SYNE1: variants seen among roughly 807,000 people sequenced by gnomAD.
The protein encoded by SYNE1 is spectrin repeat containing nuclear envelope protein 1, also known as nesprin-1.
A neutral mutation model predicts 1,111.0 loss-of-function variants in SYNE1; 616 were observed. That is an observed-to-expected ratio of 0.55 (90% CI 0.52 to 0.59). The LOEUF is 0.59. SYNE1 is among the 20% of genes least tolerant of loss of function. The pLI, the probability that SYNE1 is intolerant of heterozygous loss-of-function variation, is 0.00. For synonymous variants in SYNE1, 3,855 were observed against 3,825.8 expected, an observed-to-expected ratio of 1.01 and a Z score of -0.28; for missense variants, 10,006 against 10,417.0, an observed-to-expected ratio of 0.96 and a Z score of 1.72.
chr6:152,633,251 T>C (rs903318805), intron 2 of SYNE1, among the ~76,000 whole-genome samples: 6 of 152,190 alleles, frequency 3.9e-5, no homozygotes, highest in Non-Finnish European at 8.8e-5. Flanking sequence ...CAATAAATAG[T>C]CCCTGCACCA....
In SYNE1 at chr6:152,326,536, A is replaced by T. The variant is rs772978925; in HGVS notation, c.15053T>A (p.Leu5018Gln). ...WLEDAQELLQ[L>Q]AGNGLDVESA... The stretch of plus-strand genomic sequence containing the variant: ...CTCCACGTCTAGGCCATTGCCTGCC[A>T]GCTGTAACAATTCTTGGGCATCCTC... The change falls in exon 79 of 146, where the codon CTG becomes CAG. Residue 5018 changes from leucine to glutamine, a missense_variant. Leu to Gln is a moderately radical substitution (Grantham distance 113). Around this residue, in one of 7 missense-constraint regions of SYNE1, gnomAD observed 4,955 missense variants for 5,017.2 expected, o/e 0.99. Coordinates refer to ENST00000367255, the MANE Select transcript of SYNE1 (RefSeq NM_182961.4). 12 of 1,614,084 alleles carry T rather than the reference A, an allele frequency of 7.4e-6. No individual in the cohort carries two copies. The South Asian group carries it at 1.3e-4, about 18-fold the overall frequency.
At chr6:152,282,397 G>A (rs926083712) in intron 96 of SYNE1, among the ~76,000 whole-genome samples, 8 of 152,172 alleles carry the variant, frequency 5.3e-5, no homozygotes, top group South Asian at 2.1e-4. Flanking sequence ...AAAAACATGC[G>A]GCCTGTCTAA....
intron 3 of SYNE1, among the ~76,000 whole-genome samples, chr6:152,554,631 C>T (rs1214379928): frequency 1.3e-5 from 2 of 152,140 alleles, no homozygotes; most frequent in African/African-American, 4.8e-5. Context: ...TATTTCTACC[C>T]TCTGAGCCTG....
At chr6:152,569,878 A>G (rs1564908843) in intron 3 of SYNE1, among the ~76,000 whole-genome samples, 1 of 152,212 alleles carries the variant, frequency 6.6e-6, no homozygotes, top group Non-Finnish European at 1.5e-5. Context: ...TGTAGAAACA[A>G]GTCTTGAGGC....
chr6:152,336,379 G>A (rs2096389550), intron 76 of SYNE1: 1 of 206,800 alleles, frequency 4.8e-6, no homozygotes, highest in African/African-American at 2.3e-5. Flanking sequence ...CCTTAAAGCA[G>A]CGGTCCCCAA....
chr6:152,448,071 A>G (rs1275999649), intron 28 of SYNE1, among the ~76,000 whole-genome samples: 1 of 152,206 alleles, frequency 6.6e-6, no homozygotes, highest in African/African-American at 2.4e-5. Flanking sequence ...CTTGTTGAAT[A>G]TTGTTATGGA....
chr6:152,265,276 G>A (rs1266397858), intron 100 of SYNE1, among the ~76,000 whole-genome samples: 1 of 146,670 alleles, frequency 6.8e-6, no homozygotes, highest in Non-Finnish European at 1.5e-5. Context: ...CAAATATCCA[G>A]CAATAAGAAA....
chr6:152,341,790 TATAATGAA>T (rs2096539309), intron 74 of SYNE1, among the ~76,000 whole-genome samples: 1 of 152,182 alleles, frequency 6.6e-6, no homozygotes, highest in Admixed American at 6.5e-5. Context: ...CAGGAAGTTG[TATAATGAA>T]ACAACTTTTG....
rs763470233 is a variant in SYNE1, at chr6:152,233,997, A to T, written c.20530-34T>A. 1.9e-6 allele frequency: 3 copies of T among 1,607,910 alleles called. No homozygotes were observed. In the East Asian group the frequency reaches 6.7e-5, roughly 36 times the overall value. On this transcript the variant is annotated intron_variant, in intron 111 of 145. Transcript: ENST00000367255. The stretch of plus-strand genomic sequence containing the variant: ...AGTAGCGATGTTCAAATTAGGGTTA[A>T]ATAGCTAGACCATTCATTAAAAGGA...
chr6:152,261,576 C>T (rs2091998805), intron 101 of SYNE1, among the ~76,000 whole-genome samples: 2 of 152,110 alleles, frequency 1.3e-5, no homozygotes, highest in South Asian at 4.1e-4. Flanking sequence ...CACCAACGTC[C>T]CAATATGTTT....
intron 15 of SYNE1, 67 bp from the exon 16 acceptor site, chr6:152,471,832 C>T (rs2098807278): frequency 6.7e-7 from 1 of 1,492,618 alleles, no homozygotes; most frequent in Non-Finnish European, 9.3e-7. Flanking sequence ...CTTACTTAAC[C>T]TGTTACATGT....
At chr6:152,630,990 T>G (rs1487694548) in intron 2 of SYNE1, among the ~76,000 whole-genome samples, 1 of 152,164 alleles carries the variant, frequency 6.6e-6, no homozygotes, top group Non-Finnish European at 1.5e-5. Flanking sequence ...AACTAACACA[T>G]TCAGAGTGCC....
rs752587379 is a variant in SYNE1, at chr6:152,483,287, T to C, written c.1186-38A>G. The C allele has an allele frequency of 3.8e-6, 6 of 1,575,052 alleles. No individual in the cohort carries two copies. In the South Asian group the frequency reaches 5.5e-5, roughly 15 times the overall value. On this transcript the variant is annotated intron_variant, in intron 13 of 145. Coordinates refer to ENST00000367255, the MANE Select transcript of SYNE1 (RefSeq NM_182961.4). The stretch of plus-strand genomic sequence containing the variant: ...AAGCAGAAAAGTAAAATATCTTTAA[T>C]ACAGATGGCAATTTATAAAATTGCA...
intron 11 of SYNE1, among the ~76,000 whole-genome samples, chr6:152,496,655 G>A (rs942279386): frequency 2.0e-5 from 3 of 151,904 alleles, no homozygotes; most frequent in South Asian, 2.1e-4. Context: ...AATCCTGCTC[G>A]AAGCAGCTCT....
At chr6:152,313,585 TC>T (rs2095620337) in intron 87 of SYNE1, among the ~76,000 whole-genome samples, 1 of 150,804 alleles carries the variant, frequency 6.6e-6, no homozygotes, top group Admixed American at 6.6e-5. Flanking sequence ...GCCTCAGCCA[TC>T]CGAGCAGCTG....
intron 12 of SYNE1, 100 bp downstream of exon 12, chr6:152,488,296 A>G (rs1008458542): frequency 6.1e-6 from 4 of 659,532 alleles, no homozygotes; most frequent in African/African-American, 3.7e-5. Flanking sequence ...GACTTTTCTC[A>G]TTAATGTAAT....
Position 152,395,656 on chromosome 6 carries a change from G to T in SYNE1, c.7572C>A (p.His2524Gln). ...ASELGSFEDQ[H>Q]RKLNLWIHEM... ...CATGGATCCATAAGTTCAGTTTTCT[G>T]TGCTGATCTTCAAAGCTAAGGGAAA... The change falls in exon 51 of 146, where the codon CAC (histidine) becomes CAA (glutamine). Residue 2524 changes from histidine to glutamine, a missense_variant. Physicochemically the swap from His to Gln is conservative, Grantham distance 24 (BLOSUM62 0). Coordinates refer to ENST00000367255, the MANE Select transcript of SYNE1 (RefSeq NM_182961.4). 1.2e-6 allele frequency: 2 copies of T among 1,614,070 alleles called. No homozygotes were observed. Among genetic ancestry groups the T allele is most frequent in the Non-Finnish European group, 1.7e-6 (2 of 1,180,000 alleles).
chr6:152,390,318 C>G lies in SYNE1; in HGVS notation c.8139G>C (p.Val2713=). The G allele has an allele frequency of 6.2e-7, 1 of 1,614,114 alleles. No homozygotes were observed. ...CGGAGGAGCTCATGATGTCAGCCCACACTTCTTTAAGGGTCTCTAACTGAG... is the reference window on the plus strand; with the variant it reads ...CGGAGGAGCTCATGATGTCAGCCCAGACTTCTTTAAGGGTCTCTAACTGAG... ...IQTQLETLKE[V]WADIMSSSVH... is the part of the protein sequence containing the mutation. Residue 2713 remains valine, a synonymous_variant, in exon 53 of 146, where the codon GTG becomes GTC. Coordinates refer to ENST00000367255, the MANE Select transcript of SYNE1 (RefSeq NM_182961.4).
chr6:152,168,936 T>A (rs2064381653), intron 130 of SYNE1, among the ~76,000 whole-genome samples: 1 of 152,160 alleles, frequency 6.6e-6, no homozygotes, highest in Admixed American at 6.6e-5. Context: ...GGTCTTCAGG[T>A]AACTCTTTTT....
Sources: allele counts gnomAD v4.1 joint callset (sites outside exome capture counted in the v4.1 genomes callset), GRCh38; gene constraint gnomAD v4.1.1; regional missense constraint gnomAD v4.1.1; transcripts MANE v1.5; gene names NCBI Gene and HGNC (gene_info 2026-07-23, HGNC 2026-07-21).